Variants in ZNF740 observed in about 807,000 individuals in gnomAD.
ZNF740 encodes the protein oriLyt TD-element-binding protein 7.
ZNF740 carries 14 observed loss-of-function variants against 24.8 expected under a neutral mutation model. The observed-to-expected ratio is 0.56, with a 90% confidence interval of 0.37 to 0.88. ZNF740 has a LOEUF of 0.88. Among genes scored for constraint, ZNF740 ranks in the 40% least tolerant of loss-of-function variants. The probability of loss-of-function intolerance (pLI) is 0.00; values close to 1 mark genes in which losing one functional copy is unlikely to be tolerated. For synonymous variants in ZNF740, 69 were observed against 84.0 expected (o/e 0.82, Z 0.98); for missense variants, 201 against 247.9 (o/e 0.81, Z 1.27).
chr12:53,191,835 G>T lies in ZNF740; in HGVS notation c.*4245G>T. ...TGTGGTGGGGGAACAGCTAAAAAGG[G>T]GCCTAACCAGGAAGTCTCCTCACCT... On this transcript the variant is annotated 3_prime_UTR_variant, in exon 7 of 7. Coordinates refer to ENST00000416904, the MANE Select transcript of ZNF740 (RefSeq NM_001004304.4). 1.2e-6 allele frequency: 2 copies of T among 1,613,258 alleles called. No homozygotes were observed. The highest frequency in any genetic ancestry group is 1.1e-5 in the South Asian group (1 of 91,062).
At position 53,188,887 on chromosome 12, in the gene ZNF740, GGTGTGT is replaced by G. The variant is rs147592636; in HGVS notation, c.*1309_*1314del. Reference sequence around the variant, plus strand: ...TTGTCCACTCCCAAAAAAGTAATCGGGTGTGTGTGTGTGTGTGAGAGAGAGTGTGTG... The same window carrying G: ...TTGTCCACTCCCAAAAAAGTAATCGGGTGTGTGTGTGAGAGAGAGTGTGTG... On this transcript the variant is annotated 3_prime_UTR_variant, in exon 7 of 7. Coordinates refer to ENST00000416904, the MANE Select transcript of ZNF740 (RefSeq NM_001004304.4). The G allele has an allele frequency of 6.6e-6, 1 of 150,992 alleles. No individual in the cohort carries two copies. The highest frequency in any genetic ancestry group is 1.5e-5 in the Non-Finnish European group (1 of 67,674). 9.4% of individuals were successfully genotyped at this position (150,992 alleles called of 1,614,324 possible).
At chr12:53,181,615 G>A (rs1941645038) in intron 1 of ZNF740, 62 bp from the exon 2 acceptor site, 1 of 561,200 alleles carries the variant, frequency 1.8e-6, no homozygotes, top group Non-Finnish European at 2.3e-6. Context: ...AATTCATATC[G>A]CACGTTGTAA....
At chr12:53,181,048 G>T in intron 1 of ZNF740, 2 of 885,512 alleles carry the variant, frequency 2.3e-6, no homozygotes, top group Non-Finnish European at 2.8e-6. Context: ...CGGCCCGGGA[G>T]AGGGCTCTCG....
In ZNF740 at chr12:53,190,987, A is replaced by G. The variant is rs1452066484; in HGVS notation, c.*3397A>G. On this transcript the variant is annotated 3_prime_UTR_variant, in exon 7 of 7. Coordinates refer to ENST00000416904, the MANE Select transcript of ZNF740 (RefSeq NM_001004304.4). ...AGCCATTTTAAAACCCCTTCTCCACAGAGGAACAAGCAAGTAGGAGCAAAA... is the reference window on the plus strand; with the variant it reads ...AGCCATTTTAAAACCCCTTCTCCACGGAGGAACAAGCAAGTAGGAGCAAAA... The G allele has an allele frequency of 1.3e-5, 2 of 159,134 alleles. No individual in the cohort carries two copies. Among genetic ancestry groups the G allele is most frequent in the Non-Finnish European group, 2.8e-5 (2 of 71,536 alleles). 9.9% of individuals were successfully genotyped at this position (159,134 alleles called of 1,614,324 possible).
chr12:53,183,599 A>C lies in ZNF740; in HGVS notation c.10-1292A>C, dbSNP rs1021719592. ...TTACTTAAACATACCTTACTTAAGTAATTGTTTAAATTATATATGGAGCAA... is the reference window on the plus strand; with the variant it reads ...TTACTTAAACATACCTTACTTAAGTCATTGTTTAAATTATATATGGAGCAA... On this transcript the variant is annotated intron_variant, in intron 2 of 6. Coordinates refer to ENST00000416904, the MANE Select transcript of ZNF740 (RefSeq NM_001004304.4). Among the ~76,000 whole-genome samples, 6 of 152,276 alleles carry C rather than the reference A, an allele frequency of 3.9e-5. No homozygotes were observed. In the East Asian group the frequency reaches 5.8e-4, roughly 15 times the overall value.
Position 53,193,102 on chromosome 12 carries a change from C to G in ZNF740, c.*5512C>G. The G allele has an allele frequency of 1.9e-6, 3 of 1,562,854 alleles. No homozygotes were observed. The highest frequency in any genetic ancestry group is 2.6e-6 in the Non-Finnish European group (3 of 1,143,148). On this transcript the variant is annotated 3_prime_UTR_variant, in exon 7 of 7. Coordinates refer to ENST00000416904, the MANE Select transcript of ZNF740 (RefSeq NM_001004304.4). Reference sequence around the variant, plus strand: ...CAGAGCCTAAGTGCCTTGGGAAGGCCTCTCAGACCCCGCCCTTCTCCCCAA... The same window carrying G: ...CAGAGCCTAAGTGCCTTGGGAAGGCGTCTCAGACCCCGCCCTTCTCCCCAA...
At position 53,194,396 on chromosome 12, in the gene ZNF740, A is replaced by G. The variant is rs884374; in HGVS notation, c.*6806A>G. The G allele has an allele frequency of 8.7e-5, 137 of 1,578,640 alleles. No homozygotes were observed. Among genetic ancestry groups the G allele is most frequent in the Non-Finnish European group, 9.9e-5 (114 of 1,154,916 alleles). ...CACGTGAAGGCAGAAAAGGACTCCAACCCCACCTTATGTCCTCTCCAGGTG... is the reference window on the plus strand; with the variant it reads ...CACGTGAAGGCAGAAAAGGACTCCAGCCCCACCTTATGTCCTCTCCAGGTG... On this transcript the variant is annotated 3_prime_UTR_variant, in exon 7 of 7. Coordinates refer to ENST00000416904, the MANE Select transcript of ZNF740 (RefSeq NM_001004304.4).
In ZNF740 at chr12:53,190,205, A is replaced by T. The variant is rs972597832; in HGVS notation, c.*2615A>T. On this transcript the variant is annotated 3_prime_UTR_variant, in exon 7 of 7. Coordinates refer to ENST00000416904, the MANE Select transcript of ZNF740 (RefSeq NM_001004304.4). ...AAAGCAGTGAAAGGAGTGATTTGGC[A>T]TCCAGAGGGCCCGGGAGCCCCACGG... 6.6e-6 allele frequency: 1 copy of T among 152,600 alleles called. No individual in the cohort carries two copies. Among genetic ancestry groups the T allele is most frequent in the Non-Finnish European group, 1.5e-5 (1 of 68,094 alleles). The allele number at this position is 152,600 out of a possible 1,614,324, so 9.5% of individuals were successfully genotyped here.
chr12:53,186,711 T>C, intron 6 of ZNF740: 1 of 491,792 alleles, frequency 2.0e-6, no homozygotes, highest in South Asian at 2.8e-5. Flanking sequence ...ATAATAATAA[T>C]AGCATTCCAT....
chr12:53,181,099 G>T, intron 1 of ZNF740: 1 of 930,096 alleles, frequency 1.1e-6, no homozygotes, highest in Non-Finnish European at 1.3e-6. Context: ...CGCGCTTCTC[G>T]GCACTCTCCG....
chr12:53,181,951 G>C lies in ZNF740; in HGVS notation c.-33G>C, dbSNP rs759566041. On this transcript the variant is annotated 5_prime_UTR_variant, in exon 2 of 7. Transcript: ENST00000416904. ...AGGAAAGGTGGACCTAGGAACTCCT[G>C]AACTTTTGGGTTGCCTTAAGTGAGA... 6.2e-7 allele frequency: 1 copy of C among 1,602,922 alleles called. No homozygotes were observed. The highest frequency in any genetic ancestry group is 1.7e-5 in the Admixed American group (1 of 58,438).
chr12:53,193,422 T>C lies in ZNF740; in HGVS notation c.*5832T>C. On this transcript the variant is annotated 3_prime_UTR_variant, in exon 7 of 7. Transcript: ENST00000416904. ...AGAGGGTTTGATCACCCCTGACTTG[T>C]CTCTCCCAGGAACCTCTAAACCCAA... 7.8e-7 allele frequency: 1 copy of C among 1,274,926 alleles called. No individual in the cohort carries two copies. Among genetic ancestry groups the C allele is most frequent in the South Asian group, 1.5e-5 (1 of 64,682 alleles). The allele number at this position is 1,274,926 out of a possible 1,614,324, so 79.0% of individuals were successfully genotyped here.
intron 6 of ZNF740, 79 bp downstream of exon 6, chr12:53,186,588 G>A: frequency 8.6e-7 from 1 of 1,157,844 alleles, no homozygotes; most frequent in Non-Finnish European, 1.2e-6. Context: ...ACTCCTGCCT[G>A]ACAAAAGAGC....
In ZNF740 at chr12:53,191,119, C is replaced by T. The variant is rs554421570; in HGVS notation, c.*3529C>T. 2.3e-5 allele frequency: 5 copies of T among 214,486 alleles called. No homozygotes were observed. The highest frequency in any genetic ancestry group is 4.8e-5 in the Non-Finnish European group (5 of 105,162). The allele number at this position is 214,486 out of a possible 1,614,324, so 13.3% of individuals were successfully genotyped here. On this transcript the variant is annotated 3_prime_UTR_variant, in exon 7 of 7. Coordinates refer to ENST00000416904, the MANE Select transcript of ZNF740 (RefSeq NM_001004304.4). ...CTGACCTGGGACCCCCCTGCATCCG[C>T]AGCACTTGAGAATTCATAGGCCCTT...
rs909869775 is a variant in ZNF740, at chr12:53,187,748, C to T, written c.*158C>T. ...AAGAGTGCATCAGGGGACAGTGGCCCCAGAACCTCAGCTCTGTAAATAATC... is the reference window on the plus strand; with the variant it reads ...AAGAGTGCATCAGGGGACAGTGGCCTCAGAACCTCAGCTCTGTAAATAATC... On this transcript the variant is annotated 3_prime_UTR_variant, in exon 7 of 7. Coordinates refer to ENST00000416904, the MANE Select transcript of ZNF740 (RefSeq NM_001004304.4). 11 of 616,978 alleles carry T rather than the reference C, an allele frequency of 1.8e-5. No homozygotes were observed. Among genetic ancestry groups the T allele is most frequent in the Non-Finnish European group, 2.9e-5 (10 of 343,718 alleles). The allele number at this position is 616,978 out of a possible 1,614,324, so 38.2% of individuals were successfully genotyped here.
intron 5 of ZNF740, 77 bp from the exon 6 acceptor site, chr12:53,186,314 A>C (rs1201679969): frequency 5.1e-6 from 7 of 1,371,028 alleles, no homozygotes; most frequent in Non-Finnish European, 7.1e-6. Flanking sequence ...CTAAGAGTTA[A>C]AGTTTCTGAG....
chr12:53,180,950 C>T, intron 1 of ZNF740, 113 bp downstream of exon 1: 1 of 173,660 alleles, frequency 5.8e-6, no homozygotes. Context: ...AGGAGGGGCG[C>T]GTGGCGAAGG....
At chr12:53,181,087 C>G in intron 1 of ZNF740, 1 of 895,052 alleles carries the variant, frequency 1.1e-6, no homozygotes, top group Non-Finnish European at 1.3e-6. Flanking sequence ...GCACGCATCT[C>G]GCGCGCTTCT....
chr12:53,186,308 GAGTTAA>G, intron 5 of ZNF740, 77 bp from the exon 6 acceptor site: 1 of 1,320,798 alleles, frequency 7.6e-7, no homozygotes, highest in Non-Finnish European at 1.1e-6. Context: ...ACATTACTAA[GAGTTAA>G]AGTTTCTGAG....
Sources: allele counts gnomAD v4.1 joint callset (sites outside exome capture counted in the v4.1 genomes callset), GRCh38; gene constraint gnomAD v4.1.1; transcripts MANE v1.5; gene names NCBI Gene and HGNC (gene_info 2026-07-23, HGNC 2026-07-21).